Variants in SAMD12 observed in about 807,000 individuals in gnomAD.
SAMD12 encodes the protein sterile alpha motif domain containing 12.
SAMD12 carries 9 observed loss-of-function variants against 15.0 expected under a neutral mutation model. That is an observed-to-expected ratio of 0.60 (90% confidence interval 0.36 to 1.05). The LOEUF (loss-of-function observed/expected upper bound fraction) is 1.05, where lower values mean the gene tolerates loss of function less well. Among genes scored for constraint, SAMD12 ranks in the 50% least tolerant of loss-of-function variants. The pLI is 0.01. For synonymous variants in SAMD12, 86 were observed against 90.1 expected, an observed-to-expected ratio of 0.96 and a Z score of 0.25; for missense variants, 230 against 234.2, an observed-to-expected ratio of 0.98 and a Z score of 0.12.
chr8:118,159,061 C>T, the SAMD12 span, among the ~76,000 whole-genome samples: 1 of 151,988 alleles, frequency 6.6e-6, no homozygotes, highest in African/African-American at 2.4e-5. Flanking sequence ...CTGAAACATG[C>T]CCTTTTCCCC....
intron 1 of SAMD12, among the ~76,000 whole-genome samples, chr8:118,583,450 A>G (rs754702649): frequency 1.4e-4 from 22 of 152,138 alleles, no homozygotes; most frequent in Non-Finnish European, 2.9e-4. Context: ...GGATTCAGAC[A>G]TTAATGAAGA....
rs186554730 is a variant in SAMD12 at position 118,590,081 on chromosome 8, A to G, written c.14-9188T>C. On this transcript the variant is annotated intron_variant, in intron 1 of 3. Coordinates refer to ENST00000314727, the MANE Select transcript of SAMD12 (RefSeq NM_207506.3). ...TTGCCTCGTATATCCCAGACTTAGA[A>G]CTAAGAAACCTGCAACTTGGGAAGA... Among the ~76,000 whole-genome samples the G allele has an allele frequency of 1.2e-4, 18 of 152,324 alleles. No homozygotes were observed. In the East Asian group the frequency reaches 3.1e-3, roughly 26 times the overall value.
intron 2 of SAMD12, among the ~76,000 whole-genome samples, chr8:118,469,581 G>T (rs1226970445): frequency 2.1e-5 from 1 of 47,930 alleles, no homozygotes; most frequent in Non-Finnish European, 3.9e-5. Context: ...TATTTTTTTT[G>T]AGGCAGAGTC....
rs753779841 is a variant in SAMD12 at position 118,439,925 on chromosome 8, A to G, written c.229T>C (p.Trp77Arg). The change falls in exon 3 of 4, where the codon TGG becomes CGG. Residue 77 changes from tryptophan to arginine, a missense_variant. Coordinates refer to ENST00000314727, the MANE Select transcript of SAMD12 (RefSeq NM_207506.3). The stretch of plus-strand genomic sequence containing the variant: ...CACTTGCAGACATCCTGCTGGGTCC[A>G]TAGAGCCACCGGTTTAGATAGCTTC... ...TVKLSKPVAL[W>R]TQQDVCKWLK... is the part of the protein sequence containing the mutation. 2 of 1,613,756 alleles carry G rather than the reference A, an allele frequency of 1.2e-6. No individual in the cohort carries two copies. The highest frequency in any genetic ancestry group is 1.7e-6 in the Non-Finnish European group (2 of 1,179,668).
At chr8:118,610,564 G>A (rs772450553) in intron 1 of SAMD12, among the ~76,000 whole-genome samples, 10 of 152,310 alleles carry the variant, frequency 6.6e-5, no homozygotes, top group Non-Finnish European at 8.8e-5. Flanking sequence ...ACTGCATTAC[G>A]AAATCTAAGT....
At chr8:118,304,495 T>C (rs1365569407) in intron 4 of SAMD12, among the ~76,000 whole-genome samples, 2 of 152,198 alleles carry the variant, frequency 1.3e-5, no homozygotes, top group African/African-American at 4.8e-5. Flanking sequence ...ATCCAGTGGC[T>C]CACGCCTGTA....
chr8:118,201,339 C>A (rs535227980), intron 4 of SAMD12, among the ~76,000 whole-genome samples: 1 of 152,276 alleles, frequency 6.6e-6, no homozygotes, highest in Admixed American at 6.5e-5. Context: ...TTAGTGAACA[C>A]CAACCCCGCC....
intron 2 of SAMD12, among the ~76,000 whole-genome samples, chr8:118,516,924 C>A (rs1825260748): frequency 6.6e-6 from 1 of 152,294 alleles, no homozygotes; most frequent in African/African-American, 2.4e-5. Flanking sequence ...CAGGCGTGAG[C>A]CACCGTGCCC....
intron 4 of SAMD12, among the ~76,000 whole-genome samples, chr8:118,289,025 A>G (rs963281311): frequency 3.3e-5 from 5 of 152,242 alleles, no homozygotes; most frequent in African/African-American, 9.6e-5. Flanking sequence ...TTTTTCTGTA[A>G]TATATTAGCA....
At chr8:118,179,010 G>A in the SAMD12 span, among the ~76,000 whole-genome samples, 1 of 152,160 alleles carries the variant, frequency 6.6e-6, no homozygotes, top group Non-Finnish European at 1.5e-5. Flanking sequence ...TCTGCCCAGG[G>A]GGTTGGGTGG....
chr8:118,541,541 T>C (rs1259582517), intron 2 of SAMD12, among the ~76,000 whole-genome samples: 1 of 152,164 alleles, frequency 6.6e-6, no homozygotes, highest in African/African-American at 2.4e-5. Flanking sequence ...TGAAAATAAT[T>C]GTAGACAGTA....
intron 2 of SAMD12, among the ~76,000 whole-genome samples, chr8:118,447,095 G>A (rs10955886): frequency 1.3e-5 from 2 of 151,858 alleles, no homozygotes; most frequent in East Asian, 1.9e-4. Flanking sequence ...ATAGACTTTC[G>A]TCTTTCTCTT....
intron 2 of SAMD12, among the ~76,000 whole-genome samples, chr8:118,561,675 C>T (rs1478691114): frequency 6.6e-6 from 1 of 152,176 alleles, no homozygotes; most frequent in Non-Finnish European, 1.5e-5. Flanking sequence ...AGATAACCAT[C>T]CCCATGATTC....
chr8:118,570,891 T>C (rs1826992298), intron 2 of SAMD12, among the ~76,000 whole-genome samples: 1 of 152,104 alleles, frequency 6.6e-6, no homozygotes, highest in South Asian at 2.1e-4. Context: ...TCTGTTGGTT[T>C]CAAAAAGAGG....
chr8:118,187,828 C>T (rs1819269722), downstream of SAMD12, among the ~76,000 whole-genome samples: 1 of 152,090 alleles, frequency 6.6e-6, no homozygotes, highest in African/African-American at 2.4e-5. Flanking sequence ...GAAGTGTTTG[C>T]AGAGGTTGCT....
chr8:118,259,648 G>A (rs1351516138), intron 4 of SAMD12, among the ~76,000 whole-genome samples: 2 of 152,074 alleles, frequency 1.3e-5, no homozygotes, highest in African/African-American at 4.8e-5. Context: ...CTTTTCACCT[G>A]TCAAGGTCCC....
At chr8:118,459,442 AT>A (rs1470311458) in intron 2 of SAMD12, among the ~76,000 whole-genome samples, 1 of 152,210 alleles carries the variant, frequency 6.6e-6, no homozygotes, top group African/African-American at 2.4e-5. Context: ...TAGGGTTAAA[AT>A]ATTCAGTGGC....
chr8:118,455,485 C>G (rs1823219138), intron 2 of SAMD12, among the ~76,000 whole-genome samples: 1 of 152,136 alleles, frequency 6.6e-6, no homozygotes, highest in Non-Finnish European at 1.5e-5. Flanking sequence ...AAATGGTATG[C>G]TTTGGGGTTT....
At chr8:118,187,205 T>G (rs1310166706), downstream of SAMD12, among the ~76,000 whole-genome samples, 1 of 152,248 alleles carries the variant, frequency 6.6e-6, no homozygotes, top group Non-Finnish European at 1.5e-5. Flanking sequence ...CACTTTGTAT[T>G]TCCCCAGTGC....
Sources: gnomAD v4.1 joint callset for allele counts (sites outside exome capture counted in the v4.1 genomes callset) on GRCh38, gnomAD v4.1.1 for gene constraint, MANE v1.5 for transcripts, NCBI Gene and HGNC (gene_info 2026-07-23, HGNC 2026-07-21) for gene names.